LRRC4C: variants seen among roughly 807,000 people sequenced by gnomAD.
The protein encoded by LRRC4C is leucine-rich repeat-containing protein 4C.
In LRRC4C, 5 loss-of-function variants were observed where a neutral mutation model predicts 33.6. The ratio of observed to expected loss-of-function variants is 0.15; its 90% CI spans 0.08 to 0.31. The LOEUF is 0.31. LRRC4C is among the 10% of genes least tolerant of loss of function. The pLI is 1.00. For missense variants in LRRC4C, 560 were observed against 796.7 expected (o/e 0.70, Z 3.58); for synonymous variants, 329 against 302.0 (o/e 1.09, Z -0.93).
At chr11:40,457,353 A>C (rs1314183480) in intron 3 of LRRC4C, among the ~76,000 whole-genome samples, 2 of 152,166 alleles carry the variant, frequency 1.3e-5, no homozygotes, top group African/African-American at 2.4e-5. Flanking sequence ...AAAAGGTTTT[A>C]ATTGTATGAT....
chr11:40,179,446 C>T (rs1469439829), intron 5 of LRRC4C, among the ~76,000 whole-genome samples: 4 of 152,184 alleles, frequency 2.6e-5, no homozygotes. Context: ...ATAATGTCCA[C>T]CACCGGAGGC....
At chr11:40,233,649 A>T (rs1396000991) in intron 5 of LRRC4C, among the ~76,000 whole-genome samples, 2 of 152,230 alleles carry the variant, frequency 1.3e-5, no homozygotes. Flanking sequence ...CCTATATCAT[A>T]GTCTAGTACA....
intron 2 of LRRC4C, among the ~76,000 whole-genome samples, chr11:40,714,801 G>T (rs1305194764): frequency 6.6e-6 from 1 of 152,146 alleles, no homozygotes; most frequent in African/African-American, 2.4e-5. Context: ...GGTTTATTAT[G>T]ACTAACCTGG....
intron 1 of LRRC4C, among the ~76,000 whole-genome samples, chr11:41,190,943 C>A (rs1945917235): frequency 6.6e-6 from 1 of 152,092 alleles, no homozygotes; most frequent in Admixed American, 6.6e-5. Flanking sequence ...TGTTGTATAT[C>A]CAGATAATGA....
At chr11:40,117,698 A>G (rs1021960798) in intron 6 of LRRC4C, among the ~76,000 whole-genome samples, 2 of 148,346 alleles carry the variant, frequency 1.3e-5, no homozygotes, top group Non-Finnish European at 3.0e-5. Flanking sequence ...TCTTGGAAAG[A>G]AAAAAAAAAG....
intron 5 of LRRC4C, among the ~76,000 whole-genome samples, chr11:40,154,304 C>CAAAAAAAAAAAAAAAAAAAAAAAA (rs1858492003): frequency 9.0e-6 from 1 of 110,566 alleles, no homozygotes; most frequent in African/African-American, 3.5e-5. Flanking sequence ...AAAAAAAAAA[C>CAAAAAAAAAAAAAAAAAAAAAAAA]AAAAAGCAAA....
At chr11:40,240,435 T>C (rs1443012697) in intron 5 of LRRC4C, among the ~76,000 whole-genome samples, 1 of 152,158 alleles carries the variant, frequency 6.6e-6, no homozygotes, top group African/African-American at 2.4e-5. Flanking sequence ...GATTAGAGAA[T>C]TCTGATTGCA....
chr11:40,772,157 A>G (rs1949785120), intron 2 of LRRC4C, among the ~76,000 whole-genome samples: 1 of 152,122 alleles, frequency 6.6e-6, no homozygotes, highest in Non-Finnish European at 1.5e-5. Flanking sequence ...CTGCATGACT[A>G]GGGAGGCCTC....
At chr11:41,418,268 T>C (rs1428847635) in intron 1 of LRRC4C, among the ~76,000 whole-genome samples, 1 of 152,004 alleles carries the variant, frequency 6.6e-6, no homozygotes, top group Non-Finnish European at 1.5e-5. Flanking sequence ...ATTCCACTGT[T>C]TCCAGTCAGT....
At chr11:40,247,963 T>C (rs765247869) in intron 4 of LRRC4C, among the ~76,000 whole-genome samples, 12 of 152,194 alleles carry the variant, frequency 7.9e-5, no homozygotes, top group South Asian at 2.1e-4. Context: ...ATATGCAGCT[T>C]AAAATCCACA....
At chr11:41,258,627 T>A (rs1367632278) in intron 1 of LRRC4C, among the ~76,000 whole-genome samples, 2 of 151,948 alleles carry the variant, frequency 1.3e-5, no homozygotes, top group Admixed American at 1.3e-4. Context: ...AACAAGAGTA[T>A]GTTTATATCT....
At chr11:40,542,869 G>T (rs573178849) in intron 3 of LRRC4C, among the ~76,000 whole-genome samples, 1 of 152,042 alleles carries the variant, frequency 6.6e-6, no homozygotes, top group Non-Finnish European at 1.5e-5. Flanking sequence ...TTTTGCTTTT[G>T]TGAATGTTTT....
At chr11:40,596,475 A>G (rs537994414) in intron 3 of LRRC4C, among the ~76,000 whole-genome samples, 1 of 141,870 alleles carries the variant, frequency 7.0e-6, no homozygotes, top group South Asian at 2.2e-4. Context: ...CTATTCTTTT[A>G]GTTATTTTAA....
At chr11:40,688,786 C>T (rs1429453626) in intron 2 of LRRC4C, among the ~76,000 whole-genome samples, 2 of 152,110 alleles carry the variant, frequency 1.3e-5, no homozygotes, top group Non-Finnish European at 2.9e-5. Flanking sequence ...CCAATTTACA[C>T]TTTCACACAT....
intron 3 of LRRC4C, among the ~76,000 whole-genome samples, chr11:40,645,531 G>A (rs187549984): frequency 4.6e-5 from 7 of 151,984 alleles, no homozygotes; most frequent in Admixed American, 6.6e-5. Context: ...TGACAATGTC[G>A]CCCTGTTTAT....
At chr11:41,407,312 T>C (rs2138174984) in intron 1 of LRRC4C, among the ~76,000 whole-genome samples, 1 of 151,456 alleles carries the variant, frequency 6.6e-6, no homozygotes, top group East Asian at 1.9e-4. Context: ...TTTTTTTTTT[T>C]TTTTTTTGAG....
intron 3 of LRRC4C, among the ~76,000 whole-genome samples, chr11:40,360,105 G>GA (rs567840327): frequency 1.3e-5 from 2 of 151,824 alleles, no homozygotes; most frequent in African/African-American, 2.4e-5. Context: ...GAAACTATAT[G>GA]AAAAAAAATC....
chr11:40,606,619 G>A (rs1046400874), intron 3 of LRRC4C, among the ~76,000 whole-genome samples: 1 of 151,848 alleles, frequency 6.6e-6, no homozygotes, highest in African/African-American at 2.4e-5. Flanking sequence ...CCATCATAAG[G>A]ATGCTTAATG....
At chr11:41,137,208 C>T (rs1356371208) in intron 1 of LRRC4C, among the ~76,000 whole-genome samples, 2 of 152,140 alleles carry the variant, frequency 1.3e-5, no homozygotes, top group South Asian at 2.1e-4. Context: ...TGCCACTGCA[C>T]TCCAGCCTGG....
Sources: gnomAD v4.1 joint callset for allele counts (sites outside exome capture counted in the v4.1 genomes callset) on GRCh38, gnomAD v4.1.1 for gene constraint, MANE v1.5 for transcripts, NCBI Gene and HGNC (gene_info 2026-07-23, HGNC 2026-07-21) for gene names.